Variants in LRRTM4 observed in about 807,000 individuals in gnomAD.
LRRTM4 encodes leucine-rich repeat transmembrane neuronal protein 4.
Under a neutral mutation model 47.6 loss-of-function variants are expected in LRRTM4, and 25 were observed. That is an observed-to-expected ratio of 0.53 (90% CI 0.38 to 0.73). The LOEUF (loss-of-function observed/expected upper bound fraction) is 0.73. Among genes scored for constraint, LRRTM4 ranks in the 30% least tolerant of loss-of-function variants. The pLI is 0.00. For missense variants in LRRTM4, 638 were observed against 713.4 expected (o/e 0.89, Z 1.20); for synonymous variants, 311 against 269.5 (o/e 1.15, Z -1.51).
At chr2:77,139,999 T>A (rs1672072023) in intron 3 of LRRTM4, among the ~76,000 whole-genome samples, 1 of 152,116 alleles carries the variant, frequency 6.6e-6, no homozygotes, top group Non-Finnish European at 1.5e-5. Context: ...CGAAGAACAT[T>A]CCATGATTTT....
chr2:77,257,288 T>C (rs1022279549), intron 3 of LRRTM4, among the ~76,000 whole-genome samples: 2 of 151,926 alleles, frequency 1.3e-5, no homozygotes, highest in African/African-American at 4.8e-5. Context: ...ATTGGAAGTA[T>C]TAACCAAATA....
At chr2:77,437,566 A>G in intron 3 of LRRTM4, among the ~76,000 whole-genome samples, 1 of 152,130 alleles carries the variant, frequency 6.6e-6, no homozygotes, top group East Asian at 1.9e-4. Context: ...ACTTCGAGTA[A>G]GAACATTTAA....
intron 3 of LRRTM4, among the ~76,000 whole-genome samples, chr2:77,366,373 C>T (rs1205025297): frequency 6.6e-6 from 1 of 151,756 alleles, no homozygotes; most frequent in Non-Finnish European, 1.5e-5. Context: ...AGTAATGGTA[C>T]TTTTTACCTA....
At chr2:77,499,495 A>G (rs533695750) in intron 3 of LRRTM4, among the ~76,000 whole-genome samples, 14 of 152,008 alleles carry the variant, frequency 9.2e-5, no homozygotes, top group African/African-American at 3.4e-4. Flanking sequence ...TGATAGGAAT[A>G]AAGAATTCAA....
intron 3 of LRRTM4, among the ~76,000 whole-genome samples, chr2:77,206,742 C>T (rs1674137505): frequency 6.6e-6 from 1 of 152,054 alleles, no homozygotes; most frequent in South Asian, 2.1e-4. Context: ...CTTTGGCCTC[C>T]CAAAGTGCTG....
intron 3 of LRRTM4, among the ~76,000 whole-genome samples, chr2:77,147,351 G>A (rs1672287015): frequency 6.6e-6 from 1 of 152,142 alleles, no homozygotes; most frequent in African/African-American, 2.4e-5. Context: ...TAAAACATAT[G>A]TTCCAGGAGC....
chr2:77,029,711 T>C, intron 3 of LRRTM4, among the ~76,000 whole-genome samples: 1 of 152,190 alleles, frequency 6.6e-6, no homozygotes, highest in East Asian at 1.9e-4. Context: ...GATGCGAATT[T>C]CTGAAGAGAG....
chr2:77,096,714 A>T (rs1670822074), intron 3 of LRRTM4, among the ~76,000 whole-genome samples: 1 of 151,654 alleles, frequency 6.6e-6, no homozygotes, highest in South Asian at 2.1e-4. Context: ...AGTAACTAAA[A>T]GTACTACACA....
intron 3 of LRRTM4, among the ~76,000 whole-genome samples, chr2:77,212,562 TATATTCTC>T (rs1674325644): frequency 6.6e-6 from 1 of 150,472 alleles, no homozygotes; most frequent in African/African-American, 2.4e-5. Flanking sequence ...TATATATATA[TATATTCTC>T]TCTCTATATA....
intron 3 of LRRTM4, among the ~76,000 whole-genome samples, chr2:77,166,829 G>A (rs1453815510): frequency 6.6e-6 from 1 of 152,046 alleles, no homozygotes; most frequent in African/African-American, 2.4e-5. Context: ...AGACTTAAAT[G>A]TTACACCTAA....
chr2:77,335,868 G>T (rs1671143557), intron 3 of LRRTM4, among the ~76,000 whole-genome samples: 1 of 152,096 alleles, frequency 6.6e-6, no homozygotes, highest in South Asian at 2.1e-4. Flanking sequence ...AGAAGAGGTA[G>T]ATAGCAAATA....
intron 3 of LRRTM4, among the ~76,000 whole-genome samples, chr2:77,506,109 G>C (rs1179991271): frequency 2.0e-5 from 3 of 151,498 alleles, no homozygotes; most frequent in African/African-American, 7.3e-5. Flanking sequence ...TGAAAATATG[G>C]TTCTTACATT....
chr2:77,228,051 G>C (rs1674862189), intron 3 of LRRTM4, among the ~76,000 whole-genome samples: 1 of 151,920 alleles, frequency 6.6e-6, no homozygotes, highest in African/African-American at 2.4e-5. Context: ...TAATGTTAAA[G>C]CTAATATTAA....
intron 3 of LRRTM4, among the ~76,000 whole-genome samples, chr2:77,477,748 A>G (rs1174296259): frequency 6.6e-6 from 1 of 151,086 alleles, no homozygotes; most frequent in Non-Finnish European, 1.5e-5. Context: ...CTATGGCAGG[A>G]GAATTCCTTG....
At chr2:76,774,215 T>C (rs1673852866) in intron 3 of LRRTM4, among the ~76,000 whole-genome samples, 1 of 152,016 alleles carries the variant, frequency 6.6e-6, no homozygotes, top group African/African-American at 2.4e-5. Flanking sequence ...AGATGGAGTC[T>C]TGCTCTGTGG....
At chr2:76,810,937 T>C (rs1218741707) in intron 3 of LRRTM4, among the ~76,000 whole-genome samples, 1 of 152,180 alleles carries the variant, frequency 6.6e-6, no homozygotes, top group African/African-American at 2.4e-5. Flanking sequence ...TACTATTCAA[T>C]AGCACACCTG....
At chr2:76,935,557 G>T (rs189542357) in intron 3 of LRRTM4, among the ~76,000 whole-genome samples, 2 of 152,012 alleles carry the variant, frequency 1.3e-5, no homozygotes, top group African/African-American at 4.8e-5. Flanking sequence ...TCCTTGAAAA[G>T]GTCCTTCACA....
intron 3 of LRRTM4, among the ~76,000 whole-genome samples, chr2:77,298,757 C>T (rs1677042750): frequency 6.6e-6 from 1 of 152,120 alleles, no homozygotes; most frequent in Non-Finnish European, 1.5e-5. Flanking sequence ...ATTAATCTTC[C>T]ATTCATCAGA....
chr2:77,475,527 C>T (rs1677352812), intron 3 of LRRTM4, among the ~76,000 whole-genome samples: 1 of 151,908 alleles, frequency 6.6e-6, no homozygotes, highest in Admixed American at 6.6e-5. Context: ...TTTGTTTTCT[C>T]TACAGAATTT....
Sources: gnomAD v4.1 joint callset for allele counts (sites outside exome capture counted in the v4.1 genomes callset) on GRCh38, gnomAD v4.1.1 for gene constraint, MANE v1.5 for transcripts, NCBI Gene and HGNC (gene_info 2026-07-23, HGNC 2026-07-21) for gene names.